The following CDR2L variants were observed in gnomAD, a reference collection of about 807,000 sequenced individuals.
CDR2L encodes cerebellar degeneration related protein 2 like.
CDR2L carries 19 observed loss-of-function variants against 36.1 expected under a neutral mutation model. The observed-to-expected ratio is 0.53, with a 90% confidence interval of 0.37 to 0.77. The LOEUF is 0.77. CDR2L is among the 30% of genes least tolerant of loss of function. The probability of loss-of-function intolerance (pLI) is 0.00; values close to 1 mark genes in which losing one functional copy is unlikely to be tolerated. For synonymous variants in CDR2L, 285 were observed against 280.4 expected (o/e 1.02, Z -0.16); for missense variants, 575 against 627.2 (o/e 0.92, Z 0.89).
At chr17:74,999,317 G>C (rs4789125) in intron 1 of CDR2L, among the ~76,000 whole-genome samples, 187 bp from the exon 2 acceptor site, 75,005 of 143,070 alleles carry the variant, frequency 0.52, 20,366 homozygotes, top group East Asian at 0.77. Context: ...CACACACACA[G>C]ACACACACAA....
rs560732274 is a variant in CDR2L, at chr17:74,992,031, G to A, written c.79+3909G>A. Among the ~76,000 whole-genome samples, 11 of 152,266 alleles carry A rather than the reference G, an allele frequency of 7.2e-5. 1 individual carries two copies. In the East Asian group the frequency reaches 1.4e-3, roughly 19 times the overall value. On this transcript the variant is annotated intron_variant, in intron 1 of 4. Transcript: ENST00000337231. ...TGTGGACCCAGAGTGGCTGACAGTC[G>A]TGCCCTGGAGCTGAGAACAGGACCT... is the stretch of plus-strand genomic sequence containing the variant.
At chr17:74,999,807 AT>A (rs11344982) in intron 2 of CDR2L, among the ~76,000 whole-genome samples, 191 bp downstream of exon 2, 49,148 of 147,792 alleles carry the variant, frequency 0.33, 8,307 homozygotes, top group Admixed American at 0.44. Context: ...GCACAACTAG[AT>A]TTTTTTTTTT....
chr17:75,004,206 C>A lies in CDR2L; in HGVS notation c.*132C>A. ...AGCACGCGGCCTCCTGATCCGGAAG[C>A]ACGCAGCATGTTCCCTGCTGAGCGG... On this transcript the variant is annotated 3_prime_UTR_variant, in exon 5 of 5. Coordinates refer to ENST00000337231, the MANE Select transcript of CDR2L (RefSeq NM_014603.3). 1 of 763,094 alleles carries A rather than the reference C, an allele frequency of 1.3e-6. No homozygotes were observed. The allele number at this position is 763,094 out of a possible 1,614,324, so 47.3% of individuals were successfully genotyped here.
intron 1 of CDR2L, among the ~76,000 whole-genome samples, chr17:74,994,791 G>C (rs1042391269): frequency 2.3e-4 from 35 of 152,064 alleles, no homozygotes; most frequent in South Asian, 1.5e-3. Flanking sequence ...TTTTTTTGTA[G>C]AGATGGGGTC....
chr17:74,990,181 A>G (rs1443745125), intron 1 of CDR2L, among the ~76,000 whole-genome samples: 1 of 152,140 alleles, frequency 6.6e-6, no homozygotes, highest in African/African-American at 2.4e-5. Flanking sequence ...CTTGAGAGAG[A>G]GAAGGATCTG....
At chr17:75,001,984 C>A in intron 3 of CDR2L, 80 bp from the exon 4 acceptor site, 1 of 1,290,912 alleles carries the variant, frequency 7.7e-7, no homozygotes, top group Non-Finnish European at 1.0e-6. Context: ...GTCCCTCCAT[C>A]TTCAGGGAGC....
At position 75,003,451 on chromosome 17, in the gene CDR2L, CAGGCCA is replaced by C; in HGVS notation, c.778_783del (p.Ala260_Lys261del). 6.3e-7 allele frequency: 1 copy of C among 1,577,612 alleles called. No homozygotes were observed. The highest frequency in any genetic ancestry group is 8.6e-7 in the Non-Finnish European group (1 of 1,162,838). On this transcript the variant is annotated inframe_deletion, in exon 5 of 5. Transcript: ENST00000337231. ...GCTGCTGGAGCTGCAGCAGATGAAG[CAGGCCA>C]AGACCTACCTACTGGGTCCGGACGA...
Position 75,004,246 on chromosome 17 carries a change from T to G in CDR2L, c.*172T>G. 3.3e-6 allele frequency: 2 copies of G among 610,396 alleles called. No individual in the cohort carries two copies. Among genetic ancestry groups the G allele is most frequent in the Non-Finnish European group, 5.6e-6 (2 of 355,626 alleles). 37.8% of individuals were successfully genotyped at this position (610,396 alleles called of 1,614,324 possible). On this transcript the variant is annotated 3_prime_UTR_variant, in exon 5 of 5. Coordinates refer to ENST00000337231, the MANE Select transcript of CDR2L (RefSeq NM_014603.3). ...CTGCTGAGCGGAGGCAGCCCACCTG[T>G]CCTGCCTCCCAGGAGCCCTTGGCCA...
intron 1 of CDR2L, among the ~76,000 whole-genome samples, chr17:74,993,435 G>A (rs1019069821): frequency 3.3e-5 from 5 of 152,072 alleles, no homozygotes; most frequent in South Asian, 2.1e-4. Flanking sequence ...GCACCAGCAC[G>A]CCCAGCTAAT....
chr17:74,991,068 C>T (rs956275829), intron 1 of CDR2L, among the ~76,000 whole-genome samples: 3 of 152,156 alleles, frequency 2.0e-5, no homozygotes, highest in Admixed American at 6.5e-5. Context: ...CCTAGATTCT[C>T]GCTGTGTTCC....
chr17:75,004,344 T>G lies in CDR2L; in HGVS notation c.*270T>G. 1 of 360,876 alleles carries G rather than the reference T, an allele frequency of 2.8e-6. No individual in the cohort carries two copies. The highest frequency in any genetic ancestry group is 5.0e-6 in the Non-Finnish European group (1 of 200,350). The allele number at this position is 360,876 out of a possible 1,614,324, so 22.4% of individuals were successfully genotyped here. On this transcript the variant is annotated 3_prime_UTR_variant, in exon 5 of 5. Coordinates refer to ENST00000337231, the MANE Select transcript of CDR2L (RefSeq NM_014603.3). ...CCCACTACCCCAGGGATCCCCCAGC[T>G]CCCCCAGCCCCTGGCTTCCTGACCC...
intron 1 of CDR2L, among the ~76,000 whole-genome samples, chr17:74,993,307 T>C (rs1194955217): frequency 6.6e-6 from 1 of 152,052 alleles, no homozygotes; most frequent in African/African-American, 2.4e-5. Flanking sequence ...AGACAGAGTC[T>C]TGGTCCATCG....
intron 1 of CDR2L, among the ~76,000 whole-genome samples, chr17:74,997,488 C>T (rs1166668812): frequency 6.6e-6 from 1 of 152,146 alleles, no homozygotes; most frequent in Admixed American, 6.5e-5. Context: ...CCCCTATGTC[C>T]GTCCATGCTC....
In CDR2L at chr17:75,002,371, C is replaced by T. The variant is rs929716141; in HGVS notation, c.506+143C>T. The T allele has an allele frequency of 1.6e-5, 11 of 708,918 alleles. No homozygotes were observed. The Admixed American group carries it at 2.1e-4, about 14-fold the overall frequency. The allele number at this position is 708,918 out of a possible 1,614,324, so 43.9% of individuals were successfully genotyped here. A position where few individuals can be genotyped will look rare whatever the true frequency, so the allele number is the denominator to read the frequency against. ...TGCTAATGACAGTCACAGCAGCTGG[C>T]GTTTACTGAGCCCTGGCTGTGTGCT... is the stretch of plus-strand genomic sequence containing the variant. On this transcript the variant is annotated intron_variant, in intron 4 of 4. Coordinates refer to ENST00000337231, the MANE Select transcript of CDR2L (RefSeq NM_014603.3). The surrounding 1 kb of genome is among the most constrained non-coding windows in gnomAD (Gnocchi z 4.1).
chr17:75,002,838 G>A lies in CDR2L; in HGVS notation c.507-345G>A, dbSNP rs2039875189. ...GAGGTTACCGGCACCTGGAAGGTAT[G>A]GAGAAGGCTGCCTGGTCACCATTAA... On this transcript the variant is annotated intron_variant, in intron 4 of 4. Transcript: ENST00000337231. This position sits in a 1 kb window ranked among gnomAD's most constrained non-coding sequence, Gnocchi z 4.1. 3.3e-5 allele frequency among the ~76,000 whole-genome samples: 5 copies of A among 152,144 alleles called. No individual in the cohort carries two copies. The highest frequency in any genetic ancestry group is 3.3e-4 in the Admixed American group (5 of 15,278).
At chr17:74,991,406 TA>T (rs36002396) in intron 1 of CDR2L, among the ~76,000 whole-genome samples, 6,387 of 103,524 alleles carry the variant, frequency 0.062, 587 homozygotes, top group African/African-American at 0.22. Flanking sequence ...ACTCTGTCTT[TA>T]AAAAAAAAAA....
chr17:74,991,594 G>C (rs907584067), intron 1 of CDR2L, among the ~76,000 whole-genome samples: 1 of 151,508 alleles, frequency 6.6e-6, no homozygotes, highest in Non-Finnish European at 1.5e-5. Context: ...GCGGGCGCCT[G>C]TAGTCCCAGC....
intron 1 of CDR2L, among the ~76,000 whole-genome samples, chr17:74,996,702 G>C (rs1012177661): frequency 6.6e-6 from 1 of 152,064 alleles, no homozygotes; most frequent in African/African-American, 2.4e-5. Flanking sequence ...CCTTGGACTG[G>C]GGTCAGGGAG....
At position 75,003,291 on chromosome 17, in the gene CDR2L, G is replaced by T. The variant is rs1462334458; in HGVS notation, c.615G>T (p.Gln205His). Residue 205 changes from glutamine to histidine, a missense_variant, in exon 5 of 5, where the codon CAG becomes CAT. By Grantham distance (24) the Gln-to-His change is conservative. Coordinates refer to ENST00000337231, the MANE Select transcript of CDR2L (RefSeq NM_014603.3). ...LQTLVGALRSQVSQERQRKER... is the reference protein window; with the variant it reads ...LQTLVGALRSHVSQERQRKER... ...CCCTGGTGGGGGCGCTGCGCTCCCA[G>T]GTGAGCCAGGAGCGGCAGCGCAAGG... 6.4e-7 allele frequency: 1 copy of T among 1,556,594 alleles called. No individual in the cohort carries two copies. Among genetic ancestry groups the T allele is most frequent in the East Asian group, 2.4e-5 (1 of 41,382 alleles).
Sources: allele counts gnomAD v4.1 joint callset (sites outside exome capture counted in the v4.1 genomes callset), GRCh38; gene constraint gnomAD v4.1.1; non-coding constraint Gnocchi (gnomAD v3.1); transcripts MANE v1.5; gene names NCBI Gene and HGNC (gene_info 2026-07-23, HGNC 2026-07-21).